NTNG1: variants seen among roughly 807,000 people sequenced by gnomAD.
The protein encoded by NTNG1 is netrin-G1.
Under a neutral mutation model 54.0 loss-of-function variants are expected in NTNG1, and 16 were observed. That is an observed-to-expected ratio of 0.30 (90% CI 0.20 to 0.45). NTNG1 has a LOEUF of 0.45. NTNG1 is among the 20% of genes least tolerant of loss of function. The pLI is 1.00. For missense variants in NTNG1, 530 were observed against 678.7 expected (o/e 0.78, Z 2.43); for synonymous variants, 255 against 263.1 (o/e 0.97, Z 0.30).
rs1477100856 is a variant in NTNG1 at position 107,483,940 on chromosome 1, C to A, written c.*3100C>A. Among the ~76,000 whole-genome samples, 1 of 152,146 alleles carries A rather than the reference C, an allele frequency of 6.6e-6. No homozygotes were observed. Among genetic ancestry groups the A allele is most frequent in the East Asian group, 1.9e-4 (1 of 5,186 alleles). ...ACACAGCCTAGGGGAAGAATTTAGT[C>A]CAGCAAAGAGGGGACCTTGCTTAGA... On this transcript the variant is annotated 3_prime_UTR_variant, in exon 8 of 8. Transcript: ENST00000370068.
chr1:107,332,854 C>G (rs998416017), intron 3 of NTNG1, among the ~76,000 whole-genome samples: 2 of 152,040 alleles, frequency 1.3e-5, no homozygotes, highest in African/African-American at 4.8e-5. Flanking sequence ...CATAAAAACT[C>G]ATGGTTACTA....
At chr1:107,156,124 C>T (rs964286502) in intron 2 of NTNG1, among the ~76,000 whole-genome samples, 8 of 152,168 alleles carry the variant, frequency 5.3e-5, no homozygotes, top group Non-Finnish European at 1.2e-4. Flanking sequence ...TAAAGTGACA[C>T]GTGACTGTAT....
At chr1:107,289,050 C>T (rs899411428) in intron 2 of NTNG1, among the ~76,000 whole-genome samples, 4 of 152,152 alleles carry the variant, frequency 2.6e-5, no homozygotes, top group African/African-American at 9.7e-5. Context: ...CCTCCTAACT[C>T]CTCCTCCAGC....
chr1:107,347,480 A>C (rs1490368448), intron 3 of NTNG1, among the ~76,000 whole-genome samples: 2 of 152,240 alleles, frequency 1.3e-5, no homozygotes. Context: ...GCTCCACTGC[A>C]TTCCAATTTG....
At chr1:107,322,220 A>G (rs7544513) in intron 2 of NTNG1, among the ~76,000 whole-genome samples, 12,961 of 152,146 alleles carry the variant, frequency 0.085, 603 homozygotes, top group Middle Eastern at 0.15. Flanking sequence ...ACCTGTGCTG[A>G]AGGCAAACAA....
chr1:107,251,551 T>C (rs936740509), intron 2 of NTNG1, among the ~76,000 whole-genome samples: 2 of 152,234 alleles, frequency 1.3e-5, no homozygotes, highest in African/African-American at 4.8e-5. Context: ...GCATCTTCAC[T>C]ACTTCTAGCA....
intron 2 of NTNG1, among the ~76,000 whole-genome samples, chr1:107,165,678 CCTT>C (rs1033452574): frequency 3.3e-5 from 5 of 152,172 alleles, no homozygotes; most frequent in African/African-American, 9.7e-5. Context: ...AATGAAGAAT[CCTT>C]CTACCCTGTC....
chr1:107,275,129 C>A (rs1448098058), intron 2 of NTNG1, among the ~76,000 whole-genome samples: 1 of 152,166 alleles, frequency 6.6e-6, no homozygotes, highest in East Asian at 1.9e-4. Context: ...GTAATCCCAG[C>A]ACTTTGGGAG....
Position 107,482,055 on chromosome 1 carries a change from C to CAAAAAAAAAAAAAA in NTNG1, c.*1229_*1242dup, listed in dbSNP as rs71098633. 234 of 114,398 alleles carry CAAAAAAAAAAAAAA rather than the reference C, an allele frequency of 2.0e-3. 9 individuals are homozygous for CAAAAAAAAAAAAAA. The highest frequency in any genetic ancestry group is 3.0e-3 in the Non-Finnish European group (166 of 55,436). 7.1% of individuals were successfully genotyped at this position (114,398 alleles called of 1,614,324 possible). A position where few individuals can be genotyped will look rare whatever the true frequency, so the allele number is the denominator to read the frequency against. On this transcript the variant is annotated 3_prime_UTR_variant, in exon 8 of 8. Transcript: ENST00000370068. ...TTCCACTTGGGAAAAATTACAACAG[C>CAAAAAAAAAAAAAA]AAAAAAAAAAAAAAAAAAAAAAAAA...
At chr1:107,426,709 T>G (rs1006019776) in intron 5 of NTNG1, among the ~76,000 whole-genome samples, 1 of 152,046 alleles carries the variant, frequency 6.6e-6, no homozygotes, top group African/African-American at 2.4e-5. Flanking sequence ...GTTTTTCTGA[T>G]TCTGTGAAAA....
intron 2 of NTNG1, among the ~76,000 whole-genome samples, chr1:107,231,062 A>T (rs557895934): frequency 3.3e-5 from 5 of 152,328 alleles, no homozygotes; most frequent in Non-Finnish European, 7.4e-5. Flanking sequence ...AACCAAATGT[A>T]TGATGAAGTA....
chr1:107,398,490 T>A (rs1020465375), intron 4 of NTNG1, among the ~76,000 whole-genome samples: 2 of 152,126 alleles, frequency 1.3e-5, no homozygotes, highest in Non-Finnish European at 2.9e-5. Context: ...AGACCACTGT[T>A]GTATGAAACA....
intron 2 of NTNG1, among the ~76,000 whole-genome samples, chr1:107,185,561 G>A (rs148230182): frequency 2.0e-5 from 3 of 152,234 alleles, no homozygotes; most frequent in East Asian, 1.9e-4. Flanking sequence ...TGCAAAAACC[G>A]TATTTCTAAA....
intron 2 of NTNG1, among the ~76,000 whole-genome samples, chr1:107,157,106 C>T (rs913279882): frequency 5.3e-5 from 8 of 152,128 alleles, no homozygotes; most frequent in African/African-American, 1.9e-4. Context: ...TTTTTTCTTC[C>T]ATTATATTCT....
chr1:107,420,561 T>G (rs1413063829), intron 5 of NTNG1, among the ~76,000 whole-genome samples: 1 of 151,990 alleles, frequency 6.6e-6, no homozygotes, highest in African/African-American at 2.4e-5. Context: ...CTACAACTTT[T>G]AAAGGTATAT....
intron 3 of NTNG1, among the ~76,000 whole-genome samples, chr1:107,386,314 C>T (rs917337884): frequency 2.6e-5 from 4 of 151,708 alleles, no homozygotes; most frequent in Admixed American, 1.3e-4. Flanking sequence ...GGATTACAGG[C>T]GCCCGCCACC....
chr1:107,294,442 T>C (rs1570606312), intron 2 of NTNG1, among the ~76,000 whole-genome samples: 1 of 152,304 alleles, frequency 6.6e-6, no homozygotes, highest in South Asian at 2.1e-4. Flanking sequence ...TAACCAAGCC[T>C]GGGCCAGTTC....
intron 3 of NTNG1, among the ~76,000 whole-genome samples, chr1:107,355,731 C>G (rs1176290951): frequency 6.6e-6 from 1 of 152,058 alleles, no homozygotes; most frequent in Non-Finnish European, 1.5e-5. Context: ...AGGCCTTAAC[C>G]TTTCTTGGGT....
chr1:107,455,857 T>G (rs184732338), intron 7 of NTNG1, among the ~76,000 whole-genome samples: 37 of 152,330 alleles, frequency 2.4e-4, no homozygotes, highest in Non-Finnish European at 4.1e-4. Flanking sequence ...ACACCCTGTC[T>G]CAGCTCCATG....
Sources: gnomAD v4.1 joint callset for allele counts (sites outside exome capture counted in the v4.1 genomes callset) on GRCh38, gnomAD v4.1.1 for gene constraint, MANE v1.5 for transcripts, NCBI Gene and HGNC (gene_info 2026-07-23, HGNC 2026-07-21) for gene names.